Variants in PCDHA11 observed in about 807,000 individuals in gnomAD.
The protein encoded by PCDHA11 is protocadherin alpha 11.
PCDHA11 carries 61 observed loss-of-function variants against 70.3 expected under a neutral mutation model. The observed-to-expected ratio is 0.87, with a 90% CI of 0.71 to 1.07. The LOEUF is 1.07. PCDHA11 is among the 50% of genes least tolerant of loss of function. The probability of loss-of-function intolerance (pLI) is 0.00; values close to 1 mark genes in which losing one functional copy is unlikely to be tolerated. For missense variants in PCDHA11, 1,324 were observed against 1,237.5 expected, an observed-to-expected ratio of 1.07 and a Z score of -1.05; for synonymous variants, 633 against 555.1, an observed-to-expected ratio of 1.14 and a Z score of -1.97.
chr5:140,912,794 C>T (rs1554195532), intron 1 of PCDHA11, among the ~76,000 whole-genome samples: 1 of 151,998 alleles, frequency 6.6e-6, no homozygotes, highest in South Asian at 2.1e-4. Context: ...TGCCAATTTT[C>T]TTGAGGGTTT....
chr5:140,889,968 T>A (rs1373057542), intron 1 of PCDHA11, among the ~76,000 whole-genome samples: 2 of 152,170 alleles, frequency 1.3e-5, no homozygotes, highest in Non-Finnish European at 2.9e-5. Context: ...AAAATTACTA[T>A]CCAGTCTCCA....
intron 3 of PCDHA11, among the ~76,000 whole-genome samples, chr5:140,997,754 G>A (rs1450156263): frequency 6.6e-6 from 1 of 151,922 alleles, no homozygotes; most frequent in Non-Finnish European, 1.5e-5. Context: ...ATCTTCTTGA[G>A]TAAGGATATA....
Position 140,966,881 on chromosome 5 carries a change from C to T in PCDHA11, c.2392-12068C>T, listed in dbSNP as rs2096065304. 4.4e-6 allele frequency: 7 copies of T among 1,588,952 alleles called. No individual in the cohort carries two copies. In the South Asian group the frequency reaches 6.7e-5, roughly 15 times the overall value. ...GCTGTTGCTGCTGCTGCTACCTGGC[C>T]CTGCGGCCTCCCAGCTGCGATACTC... On this transcript the variant is annotated intron_variant, in intron 1 of 3. Coordinates refer to ENST00000398640, the MANE Select transcript of PCDHA11 (RefSeq NM_018902.5).
intron 3 of PCDHA11, among the ~76,000 whole-genome samples, chr5:141,005,688 C>T (rs1411519222): frequency 2.8e-5 from 3 of 107,694 alleles, no homozygotes; most frequent in African/African-American, 7.9e-5. Context: ...GGCGACAGAG[C>T]GAAACTCCGT....
In PCDHA11 at chr5:141,011,633, G is replaced by A. The variant is rs988824031; in HGVS notation, c.*1696G>A. ...TTATGGTCCAGCCAAGAGCCATCTC[G>A]TGCCAAGACTTCTGCTGGCAAGGGA... is the stretch of plus-strand genomic sequence containing the variant. On this transcript the variant is annotated 3_prime_UTR_variant, in exon 4 of 4. Transcript: ENST00000398640. The A allele has an allele frequency of 6.5e-6, 1 of 153,624 alleles. No homozygotes were observed. Among genetic ancestry groups the A allele is most frequent in the Non-Finnish European group, 1.5e-5 (1 of 68,022 alleles). The allele number at this position is 153,624 out of a possible 1,614,324, so 9.5% of individuals were successfully genotyped here. A position where few individuals can be genotyped will look rare whatever the true frequency, so the allele number is the denominator to read the frequency against.
chr5:141,010,398 G>C lies in PCDHA11; in HGVS notation c.*461G>C. The C allele has an allele frequency of 7.6e-7, 1 of 1,323,994 alleles. No individual in the cohort carries two copies. Among genetic ancestry groups the C allele is most frequent in the South Asian group, 1.5e-5 (1 of 66,476 alleles). 82.0% of individuals were successfully genotyped at this position (1,323,994 alleles called of 1,614,324 possible). A position where few individuals can be genotyped will look rare whatever the true frequency, so the allele number is the denominator to read the frequency against. ...GCCAGATATTGGCTGAGACGAGCCA[G>C]CTTAGACTAATTGGTACAAGGAAGG... On this transcript the variant is annotated 3_prime_UTR_variant, in exon 4 of 4. Transcript: ENST00000398640.
At chr5:140,902,540 C>T (rs2069538388) in intron 1 of PCDHA11, among the ~76,000 whole-genome samples, 1 of 151,900 alleles carries the variant, frequency 6.6e-6, no homozygotes, top group South Asian at 2.1e-4. Context: ...GAGGTATGTT[C>T]CTTCTATACC....
At chr5:140,883,853 G>C in intron 1 of PCDHA11, 2 of 1,613,002 alleles carry the variant, frequency 1.2e-6, no homozygotes, top group Middle Eastern at 1.9e-4. Flanking sequence ...CGAGGAGCTG[G>C]AGCTGTTGCA....
rs1554164498 is a variant in PCDHA11, at chr5:140,870,631, C to G, written c.1528C>G (p.His510Asp). Residue 510 changes from histidine (H) to aspartate (D), a missense_variant, in exon 1 of 4, where the codon CAC (histidine) becomes GAC (aspartate). By Grantham distance (81) the His-to-Asp change is moderately conservative. Coordinates refer to ENST00000398640, the MANE Select transcript of PCDHA11 (RefSeq NM_018902.5). ...CGCGCTGTCGAGCTACGTGTCGGTG[C>G]ACGCGGAGAGCGGCAAGGTGTACGC... is the stretch of plus-strand genomic sequence containing the variant. ...DRALSSYVSV[H>D]AESGKVYALQ... 3.1e-6 allele frequency: 5 copies of G among 1,612,864 alleles called. No individual in the cohort carries two copies. The highest frequency in any genetic ancestry group is 1.7e-4 in the Middle Eastern group (1 of 5,736).
At chr5:141,000,421 AT>A (rs34755515) in intron 3 of PCDHA11, among the ~76,000 whole-genome samples, 491 of 27,806 alleles carry the variant, frequency 0.018, 4 homozygotes, top group South Asian at 0.021. Flanking sequence ...ATATATATAT[AT>A]TTTTTTTTTT....
intron 1 of PCDHA11, among the ~76,000 whole-genome samples, chr5:140,949,891 T>G (rs2094429972): frequency 6.6e-6 from 1 of 151,864 alleles, no homozygotes; most frequent in African/African-American, 2.4e-5. Context: ...TTCCTCAGAA[T>G]CTCTTTTAAT....
At chr5:141,004,580 A>T (rs782539696) in intron 3 of PCDHA11, among the ~76,000 whole-genome samples, 1 of 152,222 alleles carries the variant, frequency 6.6e-6, no homozygotes, top group Non-Finnish European at 1.5e-5. Context: ...TGTGTTCTGC[A>T]TCTCCAGATG....
chr5:140,983,523 T>G (rs1186391173), intron 3 of PCDHA11, among the ~76,000 whole-genome samples: 1 of 152,224 alleles, frequency 6.6e-6, no homozygotes, highest in East Asian at 1.9e-4. Flanking sequence ...CTGTGCCAAG[T>G]ACATTGTATG....
In PCDHA11 at chr5:140,870,919, CT is replaced by C. The variant is rs1562653796; in HGVS notation, c.1819del (p.Ser607HisfsTer24). On this transcript the variant is annotated frameshift_variant, in exon 1 of 4. Transcript: ENST00000398640. LOFTEE classifies it high-confidence loss of function. ...VDADSGYNAW[L>X]SYELQPAAGG... Reference sequence around the variant, plus strand: ...TGCGGACTCAGGCTACAACGCGTGGCTTTCATATGAATTGCAGCCGGCGGCG... The same window carrying C: ...TGCGGACTCAGGCTACAACGCGTGGCTTCATATGAATTGCAGCCGGCGGCG... 9 of 1,613,952 alleles carry C rather than the reference CT, an allele frequency of 5.6e-6. No homozygotes were observed. The highest frequency in any genetic ancestry group is 7.6e-6 in the Non-Finnish European group (9 of 1,179,912).
chr5:140,985,416 G>A (rs1554247041), intron 3 of PCDHA11, among the ~76,000 whole-genome samples: 1 of 152,142 alleles, frequency 6.6e-6, no homozygotes, highest in Non-Finnish European at 1.5e-5. Flanking sequence ...GAAATGGAGT[G>A]AGGAGGATTT....
chr5:140,994,379 G>A (rs2097618506), intron 3 of PCDHA11, among the ~76,000 whole-genome samples: 1 of 152,112 alleles, frequency 6.6e-6, no homozygotes. Flanking sequence ...AAATTCAGGG[G>A]ACTAAGTCAG....
chr5:140,888,572 A>G (rs1354616132), intron 1 of PCDHA11, among the ~76,000 whole-genome samples: 1 of 152,196 alleles, frequency 6.6e-6, no homozygotes, highest in Admixed American at 6.5e-5. Context: ...GCTTCATTTT[A>G]AGATTTGTTA....
chr5:140,926,526 C>G (rs2083305621), intron 1 of PCDHA11: 1 of 209,510 alleles, frequency 4.8e-6, no homozygotes, highest in Non-Finnish European at 9.3e-6. Flanking sequence ...GCCCTGCGCC[C>G]GCAGCCAGCG....
At chr5:140,957,641 T>G (rs1554223056) in intron 1 of PCDHA11, among the ~76,000 whole-genome samples, 1 of 152,110 alleles carries the variant, frequency 6.6e-6, no homozygotes, top group African/African-American at 2.4e-5. Flanking sequence ...AGAAATGCAC[T>G]TAAATATTCA....
Sources: gnomAD v4.1 joint callset for allele counts (sites outside exome capture counted in the v4.1 genomes callset) on GRCh38, gnomAD v4.1.1 for gene constraint, MANE v1.5 for transcripts, NCBI Gene and HGNC (gene_info 2026-07-23, HGNC 2026-07-21) for gene names.